SUPT3H: variants seen among roughly 807,000 people sequenced by gnomAD.
SUPT3H encodes SPT3 homolog, SAGA and STAGA complex component, also known as transcription initiation protein SPT3 homolog.
In SUPT3H, 44 loss-of-function variants were observed where a neutral mutation model predicts 44.3. That is an observed-to-expected ratio of 0.99 (90% CI 0.78 to 1.28). SUPT3H has a LOEUF of 1.28. SUPT3H is among the 50% of genes most tolerant of loss of function. The pLI, the probability that SUPT3H is intolerant of heterozygous loss-of-function variation, is 0.00. For missense variants in SUPT3H, 380 were observed against 387.1 expected (o/e 0.98, Z 0.15); for synonymous variants, 124 against 125.6 (o/e 0.99, Z 0.09).
chr6:45,365,938 T>C (rs1468793094), intron 1 of SUPT3H, among the ~76,000 whole-genome samples: 1 of 152,104 alleles, frequency 6.6e-6, no homozygotes, highest in Admixed American at 6.6e-5. Context: ...TGTGACATTT[T>C]TCCCAATAAA....
chr6:45,129,956 C>G (rs1803171049), intron 2 of SUPT3H, among the ~76,000 whole-genome samples: 1 of 152,122 alleles, frequency 6.6e-6, no homozygotes, highest in South Asian at 2.1e-4. Flanking sequence ...GTAAAAGCCA[C>G]TTGCGAACTG....
chr6:45,304,581 AGTTTCTGTT>A (rs1782697288), intron 2 of SUPT3H, among the ~76,000 whole-genome samples: 1 of 152,222 alleles, frequency 6.6e-6, no homozygotes, highest in African/African-American at 2.4e-5. Flanking sequence ...GACCTCAGAA[AGTTTCTGTT>A]AAATTTTTTT....
At chr6:45,121,801 G>A (rs1429861059) in intron 2 of SUPT3H, among the ~76,000 whole-genome samples, 1 of 151,930 alleles carries the variant, frequency 6.6e-6, no homozygotes, top group East Asian at 1.9e-4. Context: ...TCAGTCTCCT[G>A]AGTAGCTGGG....
chr6:44,816,823 G>A (rs1243253205), intron 11 of SUPT3H, among the ~76,000 whole-genome samples: 1 of 152,152 alleles, frequency 6.6e-6, no homozygotes, highest in Non-Finnish European at 1.5e-5. Context: ...GGAGGCCAAG[G>A]TGGGAAGATC....
intron 10 of SUPT3H, among the ~76,000 whole-genome samples, chr6:44,919,553 A>G (rs1176002872): frequency 1.3e-5 from 2 of 151,474 alleles, no homozygotes; most frequent in African/African-American, 4.9e-5. Flanking sequence ...TCCCTGGTGA[A>G]TCTTTAAATT....
At chr6:44,970,185 ATG>A (rs1271271813) in intron 6 of SUPT3H, among the ~76,000 whole-genome samples, 2 of 152,158 alleles carry the variant, frequency 1.3e-5, no homozygotes, top group African/African-American at 4.8e-5. Context: ...ATAATGAAAA[ATG>A]TAGTTATTAA....
chr6:44,974,220 T>C (rs1193038975), intron 6 of SUPT3H, among the ~76,000 whole-genome samples: 2 of 152,066 alleles, frequency 1.3e-5, no homozygotes, highest in Admixed American at 1.3e-4. Context: ...TATGTATTTG[T>C]GTATATATAT....
intron 3 of SUPT3H, among the ~76,000 whole-genome samples, chr6:45,048,221 CTTTTTTTTTTTTTTTTT>C (rs67557043): frequency 1.1e-5 from 1 of 88,196 alleles, no homozygotes; most frequent in Non-Finnish European, 2.1e-5. Flanking sequence ...TCTCTCTACT[CTTTTTTTTTTTTTTTTT>C]TTTTTTTTGG....
At chr6:44,928,905 G>GAAAAAAA (rs1210373765) in intron 10 of SUPT3H, among the ~76,000 whole-genome samples, 2 of 62,934 alleles carry the variant, frequency 3.2e-5, no homozygotes, top group Non-Finnish European at 5.1e-5. Context: ...AAAAAAAAAA[G>GAAAAAAA]AAAAGAAAAG....
At chr6:44,842,612 A>ATT (rs201394927) in intron 10 of SUPT3H, among the ~76,000 whole-genome samples, 15 of 151,292 alleles carry the variant, frequency 9.9e-5, no homozygotes, top group Non-Finnish European at 1.9e-4. Context: ...TCATATACCT[A>ATT]TTTTTTTTTA....
intron 3 of SUPT3H, among the ~76,000 whole-genome samples, chr6:45,051,969 G>C (rs906895105): frequency 6.6e-6 from 1 of 152,112 alleles, no homozygotes; most frequent in Non-Finnish European, 1.5e-5. Flanking sequence ...ATGAAAAACT[G>C]AAAGTCCAGG....
chr6:45,181,431 G>A (rs1813156516), intron 2 of SUPT3H, among the ~76,000 whole-genome samples: 1 of 151,968 alleles, frequency 6.6e-6, no homozygotes, highest in Admixed American at 6.6e-5. Flanking sequence ...GTTTATTGCG[G>A]CATTATTCAC....
At chr6:45,328,383 G>T (rs372340475) in intron 2 of SUPT3H, 1 of 1,394,760 alleles carries the variant, frequency 7.2e-7, no homozygotes, top group African/African-American at 1.4e-5. Flanking sequence ...CTTTCTCCAG[G>T]AGGACAGCAA....
intron 2 of SUPT3H, among the ~76,000 whole-genome samples, chr6:45,133,683 G>A (rs1265648517): frequency 2.6e-5 from 4 of 152,048 alleles, no homozygotes; most frequent in African/African-American, 4.8e-5. Context: ...TATTTTTTCC[G>A]GAACATCTGA....
intron 3 of SUPT3H, chr6:45,098,806 G>A (rs912416856): frequency 3.7e-6 from 2 of 535,996 alleles, no homozygotes; most frequent in Admixed American, 1.9e-5. Context: ...TGTTCAGAGA[G>A]AGCAGTGTGC....
chr6:44,957,509 C>T (rs1042246345), intron 7 of SUPT3H, among the ~76,000 whole-genome samples: 4 of 152,040 alleles, frequency 2.6e-5, no homozygotes, highest in Non-Finnish European at 5.9e-5. Context: ...ATGAGATGTA[C>T]ATTAATCACT....
Position 45,056,872 on chromosome 6 carries a change from T to TA in SUPT3H, c.187-36241dup, listed in dbSNP as rs1791214089. Among the ~76,000 whole-genome samples the TA allele has an allele frequency of 2.0e-5, 3 of 151,982 alleles. No homozygotes were observed. In the South Asian group the frequency reaches 6.2e-4, roughly 32 times the overall value. On this transcript the variant is annotated intron_variant, in intron 3 of 10. Transcript: ENST00000371459. ...TGAAATTAAAAAAAAGTTCCAGTCT[T>TA]AAACAACAACAAAATTACCAGATAT...
chr6:45,145,668 G>T (rs1421608093), intron 2 of SUPT3H, among the ~76,000 whole-genome samples: 1 of 151,894 alleles, frequency 6.6e-6, no homozygotes, highest in Non-Finnish European at 1.5e-5. Context: ...ATAAATAGAT[G>T]GGACTTAATT....
At chr6:45,257,079 T>C (rs1773535149) in intron 2 of SUPT3H, among the ~76,000 whole-genome samples, 1 of 152,214 alleles carries the variant, frequency 6.6e-6, no homozygotes, top group Non-Finnish European at 1.5e-5. Context: ...TTCCAATTTT[T>C]CCACATCCTC....
Sources: gnomAD v4.1 joint callset for allele counts (sites outside exome capture counted in the v4.1 genomes callset) on GRCh38, gnomAD v4.1.1 for gene constraint, MANE v1.5 for transcripts, NCBI Gene and HGNC (gene_info 2026-07-23, HGNC 2026-07-21) for gene names.